Variants in PKP4 observed in about 807,000 individuals in gnomAD.
The protein encoded by PKP4 is plakophilin 4.
PKP4 carries 90 observed loss-of-function variants against 145.1 expected under a neutral mutation model. The observed-to-expected ratio is 0.62, with a 90% CI of 0.52 to 0.74. The LOEUF is 0.74. Among genes scored for constraint, PKP4 ranks in the 30% least tolerant of loss-of-function variants. PKP4 has a pLI of 0.00. For missense variants in PKP4, 1,340 were observed against 1,482.7 expected (o/e 0.90, Z 1.58); for synonymous variants, 563 against 577.2 (o/e 0.98, Z 0.35).
chr2:158,522,803 G>T (rs1277247691), intron 1 of PKP4, among the ~76,000 whole-genome samples: 4 of 152,244 alleles, frequency 2.6e-5, no homozygotes, highest in Non-Finnish European at 5.9e-5. Context: ...GCAGGGCGAG[G>T]CATTGCCTCA....
chr2:158,606,281 A>G (rs536080538), intron 4 of PKP4, among the ~76,000 whole-genome samples: 2 of 151,986 alleles, frequency 1.3e-5, no homozygotes, highest in African/African-American at 4.8e-5. Context: ...AGAGCCTGCA[A>G]TGAGCGGAGA....
chr2:158,532,990 T>C (rs1416947051), intron 1 of PKP4, among the ~76,000 whole-genome samples, 190 bp from the exon 2 acceptor site: 1 of 152,220 alleles, frequency 6.6e-6, no homozygotes, highest in African/African-American at 2.4e-5. Context: ...ATGTTTATTA[T>C]TTAGTTTCTT....
intron 4 of PKP4, among the ~76,000 whole-genome samples, chr2:158,608,366 T>A (rs942040288): frequency 6.6e-6 from 1 of 152,206 alleles, no homozygotes; most frequent in Non-Finnish European, 1.5e-5. Context: ...ATGATTTAAA[T>A]TGAATACATA....
At chr2:158,631,170 G>C (rs2053319485) in intron 7 of PKP4, among the ~76,000 whole-genome samples, 1 of 151,928 alleles carries the variant, frequency 6.6e-6, no homozygotes, top group African/African-American at 2.4e-5. Context: ...TCGATCTCCT[G>C]ACCTCGTGAT....
chr2:158,625,502 T>C (rs1322340908), intron 7 of PKP4, 75 bp downstream of exon 7: 2 of 1,247,682 alleles, frequency 1.6e-6, no homozygotes, highest in Non-Finnish European at 2.2e-6. Context: ...AAACAAAGAA[T>C]GAAAAGGTGG....
At chr2:158,542,129 C>T (rs2044576522) in intron 2 of PKP4, among the ~76,000 whole-genome samples, 3 of 152,114 alleles carry the variant, frequency 2.0e-5, no homozygotes. Context: ...CATTCATAAC[C>T]TTAGCTGCCT....
At chr2:158,554,694 G>A (rs2045940871) in intron 2 of PKP4, among the ~76,000 whole-genome samples, 1 of 152,158 alleles carries the variant, frequency 6.6e-6, no homozygotes, top group Non-Finnish European at 1.5e-5. Flanking sequence ...CAAAGTGCTG[G>A]GATTGCAGGC....
intron 3 of PKP4, among the ~76,000 whole-genome samples, chr2:158,585,366 A>T (rs1025094341): frequency 1.4e-4 from 21 of 152,328 alleles, no homozygotes; most frequent in African/African-American, 4.8e-4. Context: ...TTAAGAAAAG[A>T]ACTGGTTTAT....
intron 7 of PKP4, among the ~76,000 whole-genome samples, chr2:158,630,162 T>A (rs934337210): frequency 3.9e-5 from 6 of 152,244 alleles, no homozygotes; most frequent in South Asian, 2.1e-4. Context: ...ATTGATATTT[T>A]TACAAGTGAC....
intron 2 of PKP4, among the ~76,000 whole-genome samples, chr2:158,556,987 G>T (rs1398506039): frequency 6.6e-6 from 1 of 152,028 alleles, no homozygotes; most frequent in African/African-American, 2.4e-5. Context: ...AAGACAGAGT[G>T]ATAAAGAGCA....
chr2:158,542,284 T>A (rs1158723147), intron 2 of PKP4, among the ~76,000 whole-genome samples: 1 of 152,200 alleles, frequency 6.6e-6, no homozygotes, highest in Non-Finnish European at 1.5e-5. Flanking sequence ...GCAGGATTTT[T>A]ATTTTATTTC....
chr2:158,675,966 A>C (rs988357593), intron 19 of PKP4, among the ~76,000 whole-genome samples: 1 of 152,174 alleles, frequency 6.6e-6, no homozygotes, highest in Non-Finnish European at 1.5e-5. Flanking sequence ...TTTAATAAGA[A>C]AAAGAAAAAA....
Position 158,669,857 on chromosome 2 carries a change from C to T in PKP4, c.2866C>T (p.Leu956=), listed in dbSNP as rs868510160. 1.2e-6 allele frequency: 2 copies of T among 1,614,062 alleles called. No homozygotes were observed. The highest frequency in any genetic ancestry group is 1.3e-5 in the African/African-American group (1 of 75,066). The change falls in exon 17 of 22, where the codon CTG becomes TTG. Residue 956 remains leucine (L), a synonymous_variant. Coordinates refer to ENST00000389759, the MANE Select transcript of PKP4 (RefSeq NM_003628.6). ...CAAAAACATGGAGAACGCAAAAGCCCTGGCCGACTCAGGAGGCATAGAGAA... is the reference window on the plus strand; with the variant it reads ...CAAAAACATGGAGAACGCAAAAGCCTTGGCCGACTCAGGAGGCATAGAGAA... ...TSKNMENAKA[L]ADSGGIEKLV...
intron 7 of PKP4, among the ~76,000 whole-genome samples, chr2:158,626,101 ATT>A (rs1254046921): frequency 1.3e-5 from 2 of 152,234 alleles, no homozygotes; most frequent in African/African-American, 4.8e-5. Context: ...TTTAAATTAT[ATT>A]TTAAAAGTAA....
In PKP4 at chr2:158,623,422, A is replaced by G. The variant is rs144708615; in HGVS notation, c.604-1456A>G. 4.8e-3 allele frequency among the ~76,000 whole-genome samples: 737 copies of G among 152,034 alleles called. 2 individuals carry two copies. Among genetic ancestry groups the G allele is most frequent in the African/African-American group, 0.016 (668 of 41,454 alleles). Reference sequence around the variant, plus strand: ...GGTGTCAAGCTCCTGGCCTCAAGCAATCCTCCCTCCTCAGTCTCCCAATGT... The same window carrying G: ...GGTGTCAAGCTCCTGGCCTCAAGCAGTCCTCCCTCCTCAGTCTCCCAATGT... On this transcript the variant is annotated intron_variant, in intron 6 of 21. Transcript: ENST00000389759.
chr2:158,459,363 A>C (rs1193884636), intron 1 of PKP4, among the ~76,000 whole-genome samples: 1 of 152,264 alleles, frequency 6.6e-6, no homozygotes, highest in African/African-American at 2.4e-5. Flanking sequence ...CAGTAAAATA[A>C]TAAGTCAGTT....
intron 11 of PKP4, among the ~76,000 whole-genome samples, chr2:158,643,370 A>T (rs1338827538): frequency 6.6e-6 from 1 of 152,152 alleles, no homozygotes; most frequent in African/African-American, 2.4e-5. Context: ...CCGAAACAGC[A>T]TGGGATATAG....
Position 158,642,693 on chromosome 2 carries a change from G to T in PKP4, c.1903G>T (p.Val635Phe). The T allele has an allele frequency of 6.3e-7, 1 of 1,597,584 alleles. No individual in the cohort carries two copies. Among genetic ancestry groups the T allele is most frequent in the Non-Finnish European group, 8.6e-7 (1 of 1,169,538 alleles). ...TATTGATGCAGAAGTAAGGGAGCTT[G>T]TTACAGGTAGGTATAGAATGTGATC... ...KSIDAEVREL[V>F]TGVLWNLSSC... Residue 635 changes from valine to phenylalanine, a missense_variant, in exon 11 of 22, where the codon GTT (valine) becomes TTT (phenylalanine). Val to Phe is a conservative substitution (Grantham distance 50). Coordinates refer to ENST00000389759, the MANE Select transcript of PKP4 (RefSeq NM_003628.6).
chr2:158,580,284 TC>T (rs1229179822), intron 3 of PKP4, among the ~76,000 whole-genome samples: 1 of 152,238 alleles, frequency 6.6e-6, no homozygotes, highest in Non-Finnish European at 1.5e-5. Flanking sequence ...TTTTTGTGGT[TC>T]CTGTCTGGTT....
Sources: allele counts gnomAD v4.1 joint callset (sites outside exome capture counted in the v4.1 genomes callset), GRCh38; gene constraint gnomAD v4.1.1; transcripts MANE v1.5; gene names NCBI Gene and HGNC (gene_info 2026-07-23, HGNC 2026-07-21).